ZMYM2: variants seen among roughly 807,000 people sequenced by gnomAD.
The protein encoded by ZMYM2 is zinc finger MYM-type protein 2.
ZMYM2 carries 56 observed loss-of-function variants against 162.8 expected under a neutral mutation model. The observed-to-expected ratio is 0.34, with a 90% CI of 0.28 to 0.43. The LOEUF (loss-of-function observed/expected upper bound fraction) is 0.43, where lower values mean the gene tolerates loss of function less well. ZMYM2 is among the 20% of genes least tolerant of loss of function. The probability of loss-of-function intolerance (pLI) is 1.00; values close to 1 mark genes in which losing one functional copy is unlikely to be tolerated. For missense variants in ZMYM2, 1,275 were observed against 1,621.8 expected (o/e 0.79, Z 3.67); for synonymous variants, 510 against 541.6 (o/e 0.94, Z 0.81).
upstream of ZMYM2, among the ~76,000 whole-genome samples, chr13:19,954,987 T>C (rs1351153450): frequency 6.6e-6 from 1 of 151,834 alleles, no homozygotes; most frequent in Non-Finnish European, 1.5e-5. Flanking sequence ...GTTTTTGTAT[T>C]TTTTGGTAGA....
At chr13:20,056,734 A>G (rs1164220857) in intron 14 of ZMYM2, among the ~76,000 whole-genome samples, 2 of 151,258 alleles carry the variant, frequency 1.3e-5, no homozygotes, top group Non-Finnish European at 2.9e-5. Context: ...GCAAATGAGC[A>G]TAGAAGGCTT....
intron 2 of ZMYM2, among the ~76,000 whole-genome samples, chr13:19,973,835 A>T (rs1342850304): frequency 2.0e-5 from 3 of 151,930 alleles, no homozygotes; most frequent in Non-Finnish European, 4.4e-5. Flanking sequence ...TTCTTAAAAC[A>T]TTGTGAGATT....
the ZMYM2 span, among the ~76,000 whole-genome samples, chr13:19,941,302 A>G: frequency 1.3e-5 from 2 of 150,980 alleles, no homozygotes; most frequent in Non-Finnish European, 3.0e-5. Context: ...AGCGGAAAAC[A>G]GAACAAACAA....
At chr13:19,890,431 G>A in the ZMYM2 span, among the ~76,000 whole-genome samples, 4 of 144,478 alleles carry the variant, frequency 2.8e-5, no homozygotes, top group African/African-American at 1.0e-4. Flanking sequence ...GCCTCCTAAA[G>A]TGTTAGGATT....
chr13:19,896,573 T>G, the ZMYM2 span, among the ~76,000 whole-genome samples: 1 of 148,286 alleles, frequency 6.7e-6, no homozygotes, highest in Non-Finnish European at 1.5e-5. Flanking sequence ...TGGCTAACAC[T>G]GTGAAACCCC....
At chr13:20,081,986 A>C in intron 21 of ZMYM2, 30 bp from the exon 22 acceptor site, 1 of 1,374,436 alleles carries the variant, frequency 7.3e-7, no homozygotes, top group South Asian at 1.4e-5. Context: ...TCTTTCAAGA[A>C]AGTTTGTGGG....
At position 19,972,168 on chromosome 13, in the gene ZMYM2, C is replaced by A; in HGVS notation, c.-11+12142C>A. On this transcript the variant is annotated intron_variant, in intron 2 of 24. Coordinates refer to ENST00000610343, the MANE Select transcript of ZMYM2 (RefSeq NM_197968.4). ...GATTTTTGTTTAGACTCTGTCATAA[C>A]CCTTGAATGGATTTTTAGTAGCTGA... Among the ~76,000 whole-genome samples, 2 of 152,128 alleles carry A rather than the reference C, an allele frequency of 1.3e-5. 1 individual carries two copies. The highest frequency in any genetic ancestry group is 2.9e-5 in the Non-Finnish European group (2 of 68,010).
the ZMYM2 span, among the ~76,000 whole-genome samples, chr13:19,884,551 C>A: frequency 3.3e-5 from 5 of 151,666 alleles, no homozygotes; most frequent in African/African-American, 7.3e-5. Context: ...CCAGCCCGGG[C>A]AACAGAGAAG....
At chr13:19,928,476 C>A in the ZMYM2 span, among the ~76,000 whole-genome samples, 2 of 151,994 alleles carry the variant, frequency 1.3e-5, no homozygotes. Flanking sequence ...CTTTTTCTAT[C>A]GTTATCATTC....
At chr13:20,031,112 G>T (rs188501640) in intron 9 of ZMYM2, among the ~76,000 whole-genome samples, 1 of 151,978 alleles carries the variant, frequency 6.6e-6, no homozygotes, top group Non-Finnish European at 1.5e-5. Context: ...TAATTCTGTG[G>T]TTAAAAATTA....
At position 19,958,809 on chromosome 13, in the gene ZMYM2, A is replaced by T. The variant is rs1954774184; in HGVS notation, c.-112A>T. On this transcript the variant is annotated 5_prime_UTR_variant, in exon 1 of 25. Coordinates refer to ENST00000610343, the MANE Select transcript of ZMYM2 (RefSeq NM_197968.4). ...GAAGGGGGGTGGGCCGGGGGAGGGGAGGTTCGTTCCGCGGAGCCCCAGCCA... is the reference window on the plus strand; with the variant it reads ...GAAGGGGGGTGGGCCGGGGGAGGGGTGGTTCGTTCCGCGGAGCCCCAGCCA... 1 of 150,740 alleles carries T rather than the reference A, an allele frequency of 6.6e-6. No individual in the cohort carries two copies. The highest frequency in any genetic ancestry group is 1.5e-5 in the Non-Finnish European group (1 of 67,974). 9.3% of individuals were successfully genotyped at this position (150,740 alleles called of 1,614,324 possible).
chr13:19,927,486 C>A, the ZMYM2 span, among the ~76,000 whole-genome samples: 1 of 152,132 alleles, frequency 6.6e-6, no homozygotes, highest in Non-Finnish European at 1.5e-5. Context: ...TTCCGTGATC[C>A]CTGCTGTGTT....
At chr13:19,891,610 C>CAAA in the ZMYM2 span, among the ~76,000 whole-genome samples, 1 of 71,278 alleles carries the variant, frequency 1.4e-5, no homozygotes, top group Admixed American at 1.5e-4. Context: ...ATCACCTTTA[C>CAAA]AAAAAAAAAA....
the ZMYM2 span, among the ~76,000 whole-genome samples, chr13:19,942,166 T>C: frequency 6.6e-6 from 1 of 152,142 alleles, no homozygotes; most frequent in Non-Finnish European, 1.5e-5. Flanking sequence ...AAATAATAGC[T>C]TCATGTGTAA....
chr13:19,941,323 A>AAC, the ZMYM2 span, among the ~76,000 whole-genome samples: 20 of 100,876 alleles, frequency 2.0e-4, no homozygotes, highest in African/African-American at 5.7e-4. Flanking sequence ...ACAAAAAAAC[A>AAC]AAAAAAAAAA....
In ZMYM2 at chr13:19,993,607, G is replaced by T; in HGVS notation, c.535G>T (p.Asp179Tyr). 1.9e-6 allele frequency: 3 copies of T among 1,614,194 alleles called. No homozygotes were observed. Among genetic ancestry groups the T allele is most frequent in the Non-Finnish European group, 2.5e-6 (3 of 1,180,022 alleles). Reference protein sequence around the residue: ...MGNSGITTEPDSEIQIANVTT... With the variant: ...MGNSGITTEPYSEIQIANVTT... ...TAATAGTGGTATCACCACAGAACCA[G>T]ACTCTGAAATTCAGATTGCTAATGT... The change falls in exon 3 of 25, where the codon GAC becomes TAC. Residue 179 changes from aspartate to tyrosine, a missense_variant. By Grantham distance (160) the Asp-to-Tyr change is radical (BLOSUM62 -3). Around this residue, in one of 10 missense-constraint regions of ZMYM2, gnomAD observed 295 missense variants for 286.7 expected, o/e 1.03. Transcript: ENST00000610343.
At chr13:19,979,965 C>CT (rs1342212214) in intron 2 of ZMYM2, among the ~76,000 whole-genome samples, 1 of 152,088 alleles carries the variant, frequency 6.6e-6, no homozygotes, top group African/African-American at 2.4e-5. Context: ...CCTAAAGTCT[C>CT]TGTCTTCATC....
the ZMYM2 span, among the ~76,000 whole-genome samples, chr13:19,870,542 T>TCC: frequency 3.5e-5 from 3 of 84,846 alleles, no homozygotes; most frequent in Non-Finnish European, 7.8e-5. Context: ...TCTTTCTCTT[T>TCC]CTTTCTTTCT....
At chr13:19,896,229 C>T in the ZMYM2 span, among the ~76,000 whole-genome samples, 10 of 151,442 alleles carry the variant, frequency 6.6e-5, no homozygotes, top group East Asian at 6.0e-4. Context: ...CTGCAAGCTC[C>T]GACCCCTGGG....
Sources: allele counts gnomAD v4.1 joint callset (sites outside exome capture counted in the v4.1 genomes callset), GRCh38; gene constraint gnomAD v4.1.1; regional missense constraint gnomAD v4.1.1; transcripts MANE v1.5; gene names NCBI Gene and HGNC (gene_info 2026-07-23, HGNC 2026-07-21).